SMAD2: variants seen among roughly 807,000 people sequenced by gnomAD.
SMAD2 encodes the protein MAD homolog 2.
SMAD2 carries 8 observed loss-of-function variants against 64.4 expected under a neutral mutation model. The observed-to-expected ratio is 0.12, with a 90% CI of 0.07 to 0.22. The LOEUF (loss-of-function observed/expected upper bound fraction) is 0.22, where lower values mean the gene tolerates loss of function less well. Ranked by LOEUF, SMAD2 falls within the 10% of genes least tolerant of loss-of-function variation. SMAD2 has a pLI of 1.00. For synonymous variants in SMAD2, 203 were observed against 195.8 expected (o/e 1.04, Z -0.31); for missense variants, 289 against 561.2 (o/e 0.51, Z 4.90).
intron 8 of SMAD2, among the ~76,000 whole-genome samples, chr18:47,847,564 A>C (rs927461775): frequency 6.6e-6 from 1 of 151,980 alleles, no homozygotes; most frequent in Non-Finnish European, 1.5e-5. Context: ...GATTTAAAAA[A>C]TTCATTTAAA....
At chr18:47,867,917 AC>A (rs2031685082) in intron 5 of SMAD2, among the ~76,000 whole-genome samples, 1 of 152,200 alleles carries the variant, frequency 6.6e-6, no homozygotes, top group Non-Finnish European at 1.5e-5. Context: ...GTTAAATATT[AC>A]CAAGTTATCT....
At position 47,831,374 on chromosome 18, in the gene SMAD2, T is replaced by A. The variant is rs370755584; in HGVS notation, c.*10453A>T. The stretch of plus-strand genomic sequence containing the variant: ...GTATTCTTCAACCCTGGGCTTACTG[T>A]ATTCTGCCCATCTTCTTCCTGGACC... On this transcript the variant is annotated 3_prime_UTR_variant, in exon 11 of 11. Coordinates refer to ENST00000262160, the MANE Select transcript of SMAD2 (RefSeq NM_005901.6). 5 of 152,390 alleles carry A rather than the reference T, an allele frequency of 3.3e-5. No homozygotes were observed. The East Asian group carries it at 5.8e-4, about 18-fold the overall frequency. 9.4% of individuals were successfully genotyped at this position (152,390 alleles called of 1,614,324 possible).
chr18:47,895,324 TGCTGCTTCTCCAA>T (rs2033390419), intron 2 of SMAD2: 1 of 152,284 alleles, frequency 6.6e-6, no homozygotes, highest in South Asian at 2.1e-4. Flanking sequence ...CTCAGTTGGC[TGCTGCTTCTCCAA>T]GCTCCACGCA....
intron 1 of SMAD2, among the ~76,000 whole-genome samples, chr18:47,926,388 G>T (rs2034763615): frequency 1.3e-5 from 2 of 152,048 alleles, no homozygotes; most frequent in Admixed American, 1.3e-4. Flanking sequence ...GCACTCAATG[G>T]CCCCAGACAT....
chr18:47,861,784 A>G (rs1461706912), intron 6 of SMAD2, among the ~76,000 whole-genome samples: 1 of 152,148 alleles, frequency 6.6e-6, no homozygotes, highest in Non-Finnish European at 1.5e-5. Flanking sequence ...TGTGCAATCC[A>G]CTATCTTCCT....
chr18:47,822,810 G>A lies in SMAD2; in HGVS notation c.*19017C>T, dbSNP rs1415427446. 3 of 152,310 alleles carry A rather than the reference G, an allele frequency of 2.0e-5. No homozygotes were observed. In the South Asian group the frequency reaches 6.2e-4, roughly 32 times the overall value. 9.4% of individuals were successfully genotyped at this position (152,310 alleles called of 1,614,324 possible). A position where few individuals can be genotyped will look rare whatever the true frequency, so the allele number is the denominator to read the frequency against. Reference sequence around the variant, plus strand: ...TTCTGTCTCAGCCTCCCAAGTAGCTGGGACTACAGGCATGCACCACCACAC... The same window carrying A: ...TTCTGTCTCAGCCTCCCAAGTAGCTAGGACTACAGGCATGCACCACCACAC... On this transcript the variant is annotated 3_prime_UTR_variant, in exon 11 of 11. Coordinates refer to ENST00000262160, the MANE Select transcript of SMAD2 (RefSeq NM_005901.6).
intron 2 of SMAD2, among the ~76,000 whole-genome samples, chr18:47,881,751 T>C (rs1430234605): frequency 1.3e-5 from 2 of 152,198 alleles, no homozygotes; most frequent in African/African-American, 2.4e-5. Context: ...GAAAGTCTCT[T>C]TGTTTCTCAT....
At chr18:47,885,150 C>T (rs867177869) in intron 2 of SMAD2, among the ~76,000 whole-genome samples, 2,140 of 148,292 alleles carry the variant, frequency 0.014, 30 homozygotes, top group African/African-American at 0.024. Flanking sequence ...CACACACACA[C>T]ACACACACAC....
rs1370269390 is a variant in SMAD2 at position 47,819,650 on chromosome 18, G to C, written c.*22177C>G. ...TCTCTACTAAAAATACAAAAAATTG[G>C]CTGGGCGCGGTGGCGGGCGCCTGTA... On this transcript the variant is annotated 3_prime_UTR_variant, in exon 11 of 11. Transcript: ENST00000262160. 6.6e-6 allele frequency: 1 copy of C among 152,190 alleles called. No homozygotes were observed. The highest frequency in any genetic ancestry group is 1.9e-4 in the East Asian group (1 of 5,182). 9.4% of individuals were successfully genotyped at this position (152,190 alleles called of 1,614,324 possible).
chr18:47,867,853 T>A (rs141289445), intron 5 of SMAD2, among the ~76,000 whole-genome samples: 168 of 152,254 alleles, frequency 1.1e-3, no homozygotes, highest in Middle Eastern at 3.4e-3. Context: ...TATGTAAGTG[T>A]TGCTATGTCT....
rs1913446913 is a variant in SMAD2 at position 47,836,715 on chromosome 18, C to G, written c.*5112G>C. ...CTACAATATTCAAGATAAAACAGTT[C>G]CTACTCAAAAAATTACATGAACACA... is the stretch of plus-strand genomic sequence containing the variant. On this transcript the variant is annotated 3_prime_UTR_variant, in exon 11 of 11. Transcript: ENST00000262160. 4.6e-6 allele frequency: 1 copy of G among 218,426 alleles called. No individual in the cohort carries two copies. Among genetic ancestry groups the G allele is most frequent in the Non-Finnish European group, 9.2e-6 (1 of 109,038 alleles). 13.5% of individuals were successfully genotyped at this position (218,426 alleles called of 1,614,324 possible).
At chr18:47,895,123 G>T (rs775545686) in intron 2 of SMAD2, 1 of 152,164 alleles carries the variant, frequency 6.6e-6, no homozygotes, top group Non-Finnish European at 1.5e-5. Flanking sequence ...AAATCCATCA[G>T]AATAAACTTA....
At chr18:47,863,113 G>A (rs1479004111) in intron 6 of SMAD2, among the ~76,000 whole-genome samples, 1 of 152,182 alleles carries the variant, frequency 6.6e-6, no homozygotes, top group Non-Finnish European at 1.5e-5. Flanking sequence ...TATGAAAGAT[G>A]AATTTAATTA....
At chr18:47,926,515 C>G (rs1405943061) in intron 1 of SMAD2, among the ~76,000 whole-genome samples, 4 of 152,156 alleles carry the variant, frequency 2.6e-5, no homozygotes, top group Non-Finnish European at 4.4e-5. Context: ...CCCCAGCCCC[C>G]ACCACACCCC....
Position 47,834,425 on chromosome 18 carries a change from G to GGGA in SMAD2, c.*7399_*7401dup, listed in dbSNP as rs1913217798. 1 of 206,862 alleles carries GGGA rather than the reference G, an allele frequency of 4.8e-6. No homozygotes were observed. The highest frequency in any genetic ancestry group is 9.9e-6 in the Non-Finnish European group (1 of 101,436). The allele number at this position is 206,862 out of a possible 1,614,324, so 12.8% of individuals were successfully genotyped here. On this transcript the variant is annotated 3_prime_UTR_variant, in exon 11 of 11. Transcript: ENST00000262160. ...AACTCTGCTAAAAGTTTTGTATCCA[G>GGGA]GGAAAGTCCCGCATCCAGGGAAACC... is the stretch of plus-strand genomic sequence containing the variant.
intron 2 of SMAD2, among the ~76,000 whole-genome samples, chr18:47,884,019 A>T (rs2032755209): frequency 6.6e-6 from 1 of 152,162 alleles, no homozygotes; most frequent in South Asian, 2.1e-4. Flanking sequence ...TGTACAGTGT[A>T]AAAACCAGCC....
intron 2 of SMAD2, among the ~76,000 whole-genome samples, chr18:47,885,371 T>C (rs2032843346): frequency 1.3e-5 from 2 of 152,268 alleles, no homozygotes; most frequent in South Asian, 2.1e-4. Flanking sequence ...TTTCACTATG[T>C]TGGCCAGGCT....
rs1182656708 is a variant in SMAD2, at chr18:47,869,443, G to A, written c.327-7C>T. 2.5e-6 allele frequency: 4 copies of A among 1,604,888 alleles called. No individual in the cohort carries two copies. The highest frequency in any genetic ancestry group is 2.2e-5 in the East Asian group (1 of 44,588). On this transcript the variant is annotated splice_polypyrimidine_tract_variant and splice_region_variant and intron_variant, in intron 3 of 10. Coordinates refer to ENST00000262160, the MANE Select transcript of SMAD2 (RefSeq NM_005901.6). ...GAGACGACCATCAAGAGACCTGTTG[G>A]GAAGCAAGGGGAAAAGAAAGGAGGG... is the stretch of plus-strand genomic sequence containing the variant.
At chr18:47,874,915 A>T (rs550820717) in intron 2 of SMAD2, among the ~76,000 whole-genome samples, 2,805 of 152,246 alleles carry the variant, frequency 0.018, 51 homozygotes, top group African/African-American at 0.041. Flanking sequence ...ACAGAAGAAA[A>T]TATTGCCAGA....
Sources: allele counts gnomAD v4.1 joint callset (sites outside exome capture counted in the v4.1 genomes callset), GRCh38; gene constraint gnomAD v4.1.1; transcripts MANE v1.5; gene names NCBI Gene and HGNC (gene_info 2026-07-23, HGNC 2026-07-21).